Variants in NEDD4 observed in about 807,000 individuals in gnomAD.
NEDD4 encodes the protein NEDD4 E3 ubiquitin protein ligase.
Under a neutral mutation model 144.9 loss-of-function variants are expected in NEDD4, and 99 were observed. The ratio of observed to expected loss-of-function variants is 0.68; its 90% CI spans 0.58 to 0.81. The LOEUF is 0.81. Among genes scored for constraint, NEDD4 ranks in the 30% least tolerant of loss-of-function variants. NEDD4 has a pLI of 0.00. For missense variants in NEDD4, 985 were observed against 1,065.9 expected, an observed-to-expected ratio of 0.92 and a Z score of 1.06; for synonymous variants, 318 against 350.6, an observed-to-expected ratio of 0.91 and a Z score of 1.04.
At chr15:55,883,906 G>A (rs1198604610) in intron 5 of NEDD4, among the ~76,000 whole-genome samples, 1 of 143,258 alleles carries the variant, frequency 7.0e-6, no homozygotes, top group Non-Finnish European at 1.5e-5. Flanking sequence ...TTGAGACAGA[G>A]TCTCACCCTG....
chr15:55,970,661 A>C (rs2037592150), intron 1 of NEDD4, among the ~76,000 whole-genome samples: 2 of 152,232 alleles, frequency 1.3e-5, no homozygotes, highest in African/African-American at 4.8e-5. Context: ...ATTCTCCCAG[A>C]TCTTACCCAA....
intron 5 of NEDD4, among the ~76,000 whole-genome samples, chr15:55,888,699 A>G (rs553983666): frequency 6.6e-6 from 1 of 152,358 alleles, no homozygotes; most frequent in South Asian, 2.1e-4. Context: ...CCTGACATCA[A>G]ATTACATTAC....
At chr15:55,847,555 G>T (rs1337586803) in intron 17 of NEDD4, among the ~76,000 whole-genome samples, 1 of 151,780 alleles carries the variant, frequency 6.6e-6, no homozygotes, top group African/African-American at 2.4e-5. Flanking sequence ...CTATAAAAAA[G>T]GATAATTTTC....
chr15:55,855,874 C>A (rs1202833565), intron 12 of NEDD4, among the ~76,000 whole-genome samples: 1 of 152,170 alleles, frequency 6.6e-6, no homozygotes, highest in Non-Finnish European at 1.5e-5. Context: ...TCACCTCTAG[C>A]CAGCACAGCA....
At position 55,966,757 on chromosome 15, in the gene NEDD4, G is replaced by A. The variant is rs575280546; in HGVS notation, c.46-211C>T. ...TATTTACAAAGATAAGCAAAAACTT[G>A]AGTCAACTTATTACACTGAATAAGA... On this transcript the variant is annotated intron_variant, in intron 1 of 28. Coordinates refer to ENST00000435532, the MANE Select transcript of NEDD4 (RefSeq NM_006154.4). Among the ~76,000 whole-genome samples, 3 of 152,272 alleles carry A rather than the reference G, an allele frequency of 2.0e-5. No homozygotes were observed. The East Asian group carries it at 5.8e-4, about 29-fold the overall frequency.
intron 21 of NEDD4, 150 bp from the exon 22 acceptor site, chr15:55,838,754 ATG>A (rs1357102879): frequency 1.1e-5 from 6 of 541,406 alleles, no homozygotes; most frequent in Non-Finnish European, 1.9e-5. Context: ...ACAAAAATGT[ATG>A]TGTGTATGTG....
chr15:55,864,687 GA>G (rs57833326), intron 8 of NEDD4, among the ~76,000 whole-genome samples: 87,894 of 126,240 alleles, frequency 0.7, 28,311 homozygotes, highest in East Asian at 0.86. Context: ...TGTCTCATAA[GA>G]AAAAAAAAAA....
chr15:55,961,116 G>A (rs1223042938), intron 2 of NEDD4, among the ~76,000 whole-genome samples: 2 of 152,184 alleles, frequency 1.3e-5, no homozygotes, highest in Non-Finnish European at 2.9e-5. Context: ...AGCTATAAGA[G>A]CATCTGCCAG....
At chr15:55,890,686 GATATA>G (rs1245186029) in intron 5 of NEDD4, among the ~76,000 whole-genome samples, 1 of 152,048 alleles carries the variant, frequency 6.6e-6, no homozygotes, top group African/African-American at 2.4e-5. Context: ...ATTTCTCTTG[GATATA>G]TACTCAGGAA....
At chr15:55,942,728 G>T (rs1224066964) in intron 4 of NEDD4, among the ~76,000 whole-genome samples, 2 of 152,180 alleles carry the variant, frequency 1.3e-5, no homozygotes, top group Non-Finnish European at 2.9e-5. Flanking sequence ...CAGAAAATTG[G>T]TAATGGGAAG....
intron 5 of NEDD4, among the ~76,000 whole-genome samples, chr15:55,888,315 G>A (rs184874584): frequency 6.9e-4 from 105 of 152,264 alleles, no homozygotes; most frequent in African/African-American, 2.4e-3. Flanking sequence ...ACAAATATCA[G>A]TAGCATTTCT....
At chr15:55,992,362 T>C (rs1424552549) in intron 1 of NEDD4, among the ~76,000 whole-genome samples, 5 of 152,102 alleles carry the variant, frequency 3.3e-5, no homozygotes, top group African/African-American at 1.2e-4. Context: ...CATTAACAAA[T>C]TGCCCACCCT....
chr15:55,855,332 G>C (rs1425235631), intron 12 of NEDD4, among the ~76,000 whole-genome samples: 2 of 152,142 alleles, frequency 1.3e-5, no homozygotes, highest in Non-Finnish European at 2.9e-5. Context: ...CATTCCAAGT[G>C]GGGAAATGGA....
chr15:55,867,155 C>G (rs1176848216), intron 8 of NEDD4, among the ~76,000 whole-genome samples: 3 of 152,134 alleles, frequency 2.0e-5, no homozygotes, highest in African/African-American at 4.8e-5. Flanking sequence ...AGCTTCATTT[C>G]AAAATTACAA....
At chr15:55,881,517 A>G (rs1341365242) in intron 5 of NEDD4, among the ~76,000 whole-genome samples, 1 of 152,228 alleles carries the variant, frequency 6.6e-6, no homozygotes, top group African/African-American at 2.4e-5. Flanking sequence ...GAAGCTCTAC[A>G]TGAATAAGTA....
At chr15:55,970,549 G>A (rs2037590098) in intron 1 of NEDD4, among the ~76,000 whole-genome samples, 1 of 152,174 alleles carries the variant, frequency 6.6e-6, no homozygotes, top group African/African-American at 2.4e-5. Context: ...GCCAACTCCA[G>A]GCAGCTCAGA....
intron 2 of NEDD4, among the ~76,000 whole-genome samples, chr15:55,958,272 C>G (rs1344882298): frequency 6.6e-6 from 1 of 152,130 alleles, no homozygotes; most frequent in African/African-American, 2.4e-5. Flanking sequence ...CATTCCATGC[C>G]AAGTGAAATG....
At chr15:55,841,872 ACT>A (rs2033524576) in intron 19 of NEDD4, 60 bp downstream of exon 19, 1 of 1,443,044 alleles carries the variant, frequency 6.9e-7, no homozygotes, top group South Asian at 1.2e-5. Flanking sequence ...CACCCGGCCG[ACT>A]CTTACTTTTA....
At chr15:55,972,393 T>C (rs1307357710) in intron 1 of NEDD4, among the ~76,000 whole-genome samples, 2 of 152,146 alleles carry the variant, frequency 1.3e-5, no homozygotes, top group East Asian at 1.9e-4. Context: ...GGATAAAGTG[T>C]AGAGTTTTTA....
Sources: allele counts gnomAD v4.1 joint callset (sites outside exome capture counted in the v4.1 genomes callset), GRCh38; gene constraint gnomAD v4.1.1; transcripts MANE v1.5; gene names NCBI Gene and HGNC (gene_info 2026-07-23, HGNC 2026-07-21).